Variants in SUGCT observed in about 807,000 individuals in gnomAD.
SUGCT encodes the protein succinyl-CoA:glutarate CoA-transferase.
In SUGCT, 41 loss-of-function variants were observed where a neutral mutation model predicts 55.0. The observed-to-expected ratio is 0.74, with a 90% confidence interval of 0.58 to 0.97. The LOEUF (loss-of-function observed/expected upper bound fraction) is 0.97, where lower values mean the gene tolerates loss of function less well. Ranked by LOEUF, SUGCT falls within the 50% of genes least tolerant of loss-of-function variation. The probability of loss-of-function intolerance (pLI) is 0.00; values close to 1 mark genes in which losing one functional copy is unlikely to be tolerated. For missense variants in SUGCT, 568 were observed against 547.8 expected (o/e 1.04, Z -0.37); for synonymous variants, 187 against 200.4 (o/e 0.93, Z 0.56).
At chr7:40,764,265 T>C (rs540871949) in intron 13 of SUGCT, among the ~76,000 whole-genome samples, 1 of 152,328 alleles carries the variant, frequency 6.6e-6, no homozygotes, top group East Asian at 1.9e-4. Context: ...GAGGAGTTTG[T>C]TCCTTGAGTA....
At chr7:40,217,426 G>T (rs1325462853) in intron 6 of SUGCT, 2 of 446,428 alleles carry the variant, frequency 4.5e-6, no homozygotes, top group Admixed American at 4.8e-5. Flanking sequence ...TGCCCAGGAT[G>T]GTCTTGATCT....
At chr7:40,383,186 T>C (rs1270616290) in intron 9 of SUGCT, among the ~76,000 whole-genome samples, 2 of 152,192 alleles carry the variant, frequency 1.3e-5, no homozygotes, top group South Asian at 2.1e-4. Context: ...GTATGGGGAC[T>C]TGTGTTTCCT....
chr7:40,802,232 A>AATGTCAT (rs2128751377), intron 13 of SUGCT, among the ~76,000 whole-genome samples: 1 of 152,194 alleles, frequency 6.6e-6, no homozygotes, highest in South Asian at 2.1e-4. Context: ...TGCAAGAAAC[A>AATGTCAT]ATGTCATAGG....
intron 13 of SUGCT, among the ~76,000 whole-genome samples, chr7:40,834,160 A>G (rs1182086357): frequency 6.9e-6 from 1 of 144,632 alleles, no homozygotes; most frequent in Admixed American, 7.3e-5. Flanking sequence ...GTGACTAGGT[A>G]TGTCTTTGTG....
At chr7:40,924,698 CT>C in the SUGCT span, among the ~76,000 whole-genome samples, 2,219 of 152,294 alleles carry the variant, frequency 0.015, 46 homozygotes, top group African/African-American at 0.049. Flanking sequence ...ACATGGAGGA[CT>C]ATCTCTGGGG....
chr7:40,193,601 G>C (rs74474062), intron 5 of SUGCT, among the ~76,000 whole-genome samples: 1 of 148,152 alleles, frequency 6.7e-6, no homozygotes, highest in Non-Finnish European at 1.5e-5. Context: ...ATTTAAAAAA[G>C]ATTTTTTTTT....
chr7:40,732,789 G>A (rs1180956717), intron 12 of SUGCT, among the ~76,000 whole-genome samples: 2 of 152,144 alleles, frequency 1.3e-5, no homozygotes, highest in Non-Finnish European at 2.9e-5. Context: ...TGTCTGTAAG[G>A]CAGGTTGATG....
At chr7:40,321,844 T>C (rs1336903837) in intron 9 of SUGCT, among the ~76,000 whole-genome samples, 1 of 152,248 alleles carries the variant, frequency 6.6e-6, no homozygotes, top group Non-Finnish European at 1.5e-5. Context: ...GACAGGCACT[T>C]AGGTTTATTC....
At chr7:40,902,731 A>C in the SUGCT span, among the ~76,000 whole-genome samples, 1 of 152,214 alleles carries the variant, frequency 6.6e-6, no homozygotes, top group Non-Finnish European at 1.5e-5. Flanking sequence ...CATGATTTTC[A>C]GGATTTGTAT....
chr7:40,296,398 A>G (rs1794145786), intron 8 of SUGCT, among the ~76,000 whole-genome samples: 1 of 152,178 alleles, frequency 6.6e-6, no homozygotes, highest in African/African-American at 2.4e-5. Flanking sequence ...TTGGTGGTCA[A>G]AATGTTGTGT....
chr7:40,929,677 A>C, the SUGCT span, among the ~76,000 whole-genome samples: 21 of 152,256 alleles, frequency 1.4e-4, no homozygotes, highest in African/African-American at 4.3e-4. Flanking sequence ...ACCAGTGATG[A>C]TGAGCATTTT....
intron 9 of SUGCT, among the ~76,000 whole-genome samples, chr7:40,320,223 C>T (rs10265671): frequency 0.56 from 84,180 of 151,528 alleles, 24,716 homozygotes; most frequent in Non-Finnish European, 0.66. Flanking sequence ...GCTCCTGCCT[C>T]AGCCTCCTGA....
At chr7:40,502,366 T>A (rs1792330705) in intron 12 of SUGCT, among the ~76,000 whole-genome samples, 1 of 152,026 alleles carries the variant, frequency 6.6e-6, no homozygotes, top group African/African-American at 2.4e-5. Flanking sequence ...CAACCCAGAA[T>A]AAAGAGTAAT....
rs1392768140 is a variant in SUGCT at position 40,184,850 on chromosome 7, TTTTG to T, written c.226+2830_226+2833del. ...GATAGCCATATAAAGTAGAATATCTTTTTGTTTGTTTCCTTCTTTTTTAAAAAAT... is the reference window on the plus strand; with the variant it reads ...GATAGCCATATAAAGTAGAATATCTTTTTGTTTCCTTCTTTTTTAAAAAAT... On this transcript the variant is annotated intron_variant, in intron 3 of 13. Transcript: ENST00000335693. Among the ~76,000 whole-genome samples the T allele has an allele frequency of 3.9e-5, 6 of 152,240 alleles. No individual in the cohort carries two copies. The East Asian group carries it at 5.8e-4, about 15-fold the overall frequency.
rs376551213 is a variant in SUGCT, at chr7:40,662,196, CT to C, written c.1090-87237del. On this transcript the variant is annotated intron_variant, in intron 12 of 13. Transcript: ENST00000335693. ...TTTTATTTTTGTCCATTGACAAGTC[CT>C]GTTGGTTCAACCTCCAAATTATAGT... Among the ~76,000 whole-genome samples the C allele has an allele frequency of 2.8e-3, 422 of 152,250 alleles. 3 individuals carry two copies. Among genetic ancestry groups the C allele is most frequent in the African/African-American group, 9.7e-3 (401 of 41,538 alleles).
At chr7:40,814,372 C>A (rs1273596457) in intron 13 of SUGCT, among the ~76,000 whole-genome samples, 1 of 151,962 alleles carries the variant, frequency 6.6e-6, no homozygotes, top group African/African-American at 2.4e-5. Context: ...CATAATATTT[C>A]TTGACAACTT....
At chr7:40,543,003 GTGTCTTAGAAAGTGACATT>G (rs757291742) in intron 12 of SUGCT, among the ~76,000 whole-genome samples, 2 of 152,216 alleles carry the variant, frequency 1.3e-5, no homozygotes, top group African/African-American at 2.4e-5. Flanking sequence ...TGCTATGGCT[GTGTCTTAGAAAGTGACATT>G]TGTGACACGA....
chr7:40,221,448 A>G (rs1281896708), intron 6 of SUGCT, among the ~76,000 whole-genome samples: 1 of 149,268 alleles, frequency 6.7e-6, no homozygotes, highest in Non-Finnish European at 1.5e-5. Flanking sequence ...AAAATAAATC[A>G]TTTGTTTACA....
At chr7:40,479,889 A>T (rs1216733456) in intron 11 of SUGCT, among the ~76,000 whole-genome samples, 2 of 151,828 alleles carry the variant, frequency 1.3e-5, no homozygotes, top group East Asian at 3.9e-4. Flanking sequence ...TGCTATGGAG[A>T]TGTATTAGTT....
Sources: allele counts gnomAD v4.1 joint callset (sites outside exome capture counted in the v4.1 genomes callset), GRCh38; gene constraint gnomAD v4.1.1; transcripts MANE v1.5; gene names NCBI Gene and HGNC (gene_info 2026-07-23, HGNC 2026-07-21).